Variants in KCNJ3 observed in about 807,000 individuals in gnomAD.
KCNJ3 encodes G protein-activated inward rectifier potassium channel 1.
KCNJ3 carries 4 observed loss-of-function variants against 39.2 expected under a neutral mutation model. The observed-to-expected ratio is 0.10, with a 90% CI of 0.05 to 0.23. KCNJ3 has a LOEUF of 0.23. KCNJ3 is among the 10% of genes least tolerant of loss of function. The probability of loss-of-function intolerance (pLI) is 1.00; values close to 1 mark genes in which losing one functional copy is unlikely to be tolerated. For missense variants in KCNJ3, 276 were observed against 634.9 expected, an observed-to-expected ratio of 0.43 and a Z score of 6.08; for synonymous variants, 230 against 237.4, an observed-to-expected ratio of 0.97 and a Z score of 0.29.
At chr2:154,706,149 C>G (rs568409800) in intron 1 of KCNJ3, among the ~76,000 whole-genome samples, 3 of 151,922 alleles carry the variant, frequency 2.0e-5, no homozygotes, top group Non-Finnish European at 4.4e-5. Context: ...TTTTAGCGAT[C>G]GCTTTGAATT....
intron 2 of KCNJ3, among the ~76,000 whole-genome samples, chr2:154,802,763 G>A (rs1686841396): frequency 6.6e-6 from 1 of 152,082 alleles, no homozygotes; most frequent in African/African-American, 2.4e-5. Context: ...GTTTTATAGT[G>A]AGATACATAG....
chr2:154,812,024 A>T (rs1187463347), intron 2 of KCNJ3, among the ~76,000 whole-genome samples: 4 of 152,164 alleles, frequency 2.6e-5, no homozygotes, highest in Admixed American at 2.6e-4. Context: ...AACTAAACAA[A>T]ATTCTTTAAG....
intron 2 of KCNJ3, among the ~76,000 whole-genome samples, chr2:154,746,609 GAT>G (rs59587484): frequency 0.15 from 20,901 of 143,122 alleles, 1,541 homozygotes; most frequent in African/African-American, 0.18. Flanking sequence ...CGTATACACA[GAT>G]ATATATATAT....
chr2:154,828,230 T>G (rs1466605652), intron 2 of KCNJ3, among the ~76,000 whole-genome samples: 1 of 152,236 alleles, frequency 6.6e-6, no homozygotes, highest in Admixed American at 6.5e-5. Flanking sequence ...TAGGTTTCAC[T>G]GATGAGAGCC....
At chr2:154,724,613 C>G (rs1685317520) in intron 2 of KCNJ3, among the ~76,000 whole-genome samples, 2 of 151,688 alleles carry the variant, frequency 1.3e-5, no homozygotes, top group Non-Finnish European at 2.9e-5. Flanking sequence ...ATTTCAATTC[C>G]TGGAACTGTG....
chr2:154,705,438 T>G (rs1684988437), intron 1 of KCNJ3, among the ~76,000 whole-genome samples: 2 of 152,158 alleles, frequency 1.3e-5, no homozygotes, highest in Non-Finnish European at 2.9e-5. Flanking sequence ...ACAATGATGA[T>G]CCCTTCTAGG....
At chr2:154,832,538 T>C (rs1389236708) in intron 2 of KCNJ3, among the ~76,000 whole-genome samples, 1 of 152,206 alleles carries the variant, frequency 6.6e-6, no homozygotes, top group Non-Finnish European at 1.5e-5. Context: ...TGTTCCACCA[T>C]TTGTTAGATA....
rs149840619 is a variant in KCNJ3, at chr2:154,799,258, G to A, written c.920-55469G>A. On this transcript the variant is annotated intron_variant, in intron 2 of 2. Transcript: ENST00000295101. ...ATGATTCCTATGCCTCAGCCTCCCC[G>A]TAGCTGGGATAGCTGGGGTTATAGG... Among the ~76,000 whole-genome samples the A allele has an allele frequency of 8.9e-4, 136 of 152,128 alleles. 1 individual carries two copies. The highest frequency in any genetic ancestry group is 3.2e-3 in the African/African-American group (133 of 41,526).
At chr2:154,774,047 G>A (rs1219010182) in intron 2 of KCNJ3, among the ~76,000 whole-genome samples, 2 of 152,062 alleles carry the variant, frequency 1.3e-5, no homozygotes, top group African/African-American at 4.8e-5. Flanking sequence ...TTGACATTAA[G>A]TTACCAAAGA....
chr2:154,826,718 A>C (rs1687277376), intron 2 of KCNJ3, among the ~76,000 whole-genome samples: 1 of 152,162 alleles, frequency 6.6e-6, no homozygotes, highest in South Asian at 2.1e-4. Flanking sequence ...TCCTTGTTAC[A>C]AAATACCCCA....
chr2:154,749,305 G>A (rs777914009), intron 2 of KCNJ3, among the ~76,000 whole-genome samples: 2 of 152,036 alleles, frequency 1.3e-5, no homozygotes, highest in Non-Finnish European at 2.9e-5. Flanking sequence ...TGTATTTATA[G>A]CAGGCTCATC....
chr2:154,719,314 T>C (rs918247637), intron 2 of KCNJ3, among the ~76,000 whole-genome samples: 7 of 152,180 alleles, frequency 4.6e-5, no homozygotes, highest in African/African-American at 1.4e-4. Flanking sequence ...ACCTAAGCCA[T>C]TGGCATGTGG....
intron 1 of KCNJ3, among the ~76,000 whole-genome samples, chr2:154,702,183 T>C (rs1684913675): frequency 6.6e-6 from 1 of 152,014 alleles, no homozygotes; most frequent in African/African-American, 2.4e-5. Flanking sequence ...TTCCCCCTTT[T>C]AACCTCCATT....
At position 154,779,336 on chromosome 2, in the gene KCNJ3, A is replaced by G. The variant is rs1686393333; in HGVS notation, c.919+69517A>G. Among the ~76,000 whole-genome samples, 5 of 151,566 alleles carry G rather than the reference A, an allele frequency of 3.3e-5. No individual in the cohort carries two copies. The South Asian group carries it at 6.3e-4, about 19-fold the overall frequency. ...TGCTTAGGAACCTAAAAGTTGCTCA[A>G]AATACTGGCTTCTCTAACATGAGAG... On this transcript the variant is annotated intron_variant, in intron 2 of 2. Transcript: ENST00000295101.
chr2:154,844,005 C>A (rs946781756), intron 2 of KCNJ3, among the ~76,000 whole-genome samples: 9 of 152,210 alleles, frequency 5.9e-5, no homozygotes, highest in African/African-American at 2.2e-4. Context: ...AGCTGCGATC[C>A]TTTGGAGGAG....
At chr2:154,742,656 C>T (rs1685672431) in intron 2 of KCNJ3, among the ~76,000 whole-genome samples, 1 of 151,668 alleles carries the variant, frequency 6.6e-6, no homozygotes, top group Admixed American at 6.6e-5. Context: ...GCTTATTGGC[C>T]ATTTGTTTAT....
chr2:154,779,813 T>G (rs1686403400), intron 2 of KCNJ3, among the ~76,000 whole-genome samples: 1 of 152,084 alleles, frequency 6.6e-6, no homozygotes, highest in South Asian at 2.1e-4. Flanking sequence ...GCACTGGGAT[T>G]GCAGGTGTAA....
At chr2:154,731,310 T>C (rs895916267) in intron 2 of KCNJ3, among the ~76,000 whole-genome samples, 8 of 152,084 alleles carry the variant, frequency 5.3e-5, no homozygotes, top group African/African-American at 1.9e-4. Context: ...ATGTATTCTT[T>C]TGGATTAGCA....
At chr2:154,853,408 AAGAC>A (rs1687788468) in intron 2 of KCNJ3, among the ~76,000 whole-genome samples, 1 of 152,252 alleles carries the variant, frequency 6.6e-6, no homozygotes, top group Non-Finnish European at 1.5e-5. Context: ...AGTTAGAAAA[AAGAC>A]AGAATATCCC....
Sources: allele counts gnomAD v4.1 joint callset (sites outside exome capture counted in the v4.1 genomes callset), GRCh38; gene constraint gnomAD v4.1.1; transcripts MANE v1.5; gene names NCBI Gene and HGNC (gene_info 2026-07-23, HGNC 2026-07-21).